The following MRPS9 variants were observed in gnomAD, a reference collection of about 807,000 sequenced individuals.
MRPS9 encodes the protein small ribosomal subunit protein uS9m.
Under a neutral mutation model 59.9 loss-of-function variants are expected in MRPS9, and 45 were observed. The ratio of observed to expected loss-of-function variants is 0.75; its 90% CI spans 0.59 to 0.96. The LOEUF (loss-of-function observed/expected upper bound fraction) is 0.96, where lower values mean the gene tolerates loss of function less well. Ranked by LOEUF, MRPS9 falls within the 40% of genes least tolerant of loss-of-function variation. The probability of loss-of-function intolerance (pLI) is 0.00; values close to 1 mark genes in which losing one functional copy is unlikely to be tolerated. For synonymous variants in MRPS9, 171 were observed against 166.8 expected (o/e 1.03, Z -0.19); for missense variants, 473 against 481.1 (o/e 0.98, Z 0.16).
intron 2 of MRPS9, 128 bp downstream of exon 2, chr2:105,049,478 A>G (rs1679670288): frequency 9.1e-6 from 7 of 769,648 alleles, no homozygotes; most frequent in Admixed American, 3.2e-5. Context: ...ATGCTGCTAT[A>G]CATTGTTTAA....
intron 2 of MRPS9, among the ~76,000 whole-genome samples, chr2:105,051,888 C>G (rs750307615): frequency 9.9e-5 from 15 of 152,072 alleles, no homozygotes; most frequent in Non-Finnish European, 1.8e-4. Context: ...GATTTTGAAT[C>G]TACATCCTTG....
At chr2:105,081,486 AGAG>A (rs1402419004) in intron 5 of MRPS9, among the ~76,000 whole-genome samples, 2 of 152,254 alleles carry the variant, frequency 1.3e-5, no homozygotes, top group East Asian at 3.8e-4. Flanking sequence ...CAGGTCTTGT[AGAG>A]GAGCCTTATC....
At chr2:105,041,537 T>C (rs962292862) in intron 1 of MRPS9, among the ~76,000 whole-genome samples, 1 of 152,134 alleles carries the variant, frequency 6.6e-6, no homozygotes, top group South Asian at 2.1e-4. Context: ...TGTTTTTTTT[T>C]TTTTAATCTC....
At chr2:105,056,554 T>G (rs1348142863) in intron 2 of MRPS9, among the ~76,000 whole-genome samples, 1 of 152,232 alleles carries the variant, frequency 6.6e-6, no homozygotes, top group African/African-American at 2.4e-5. Context: ...AGTGTGTGAA[T>G]TAAAACTAAA....
intron 4 of MRPS9, among the ~76,000 whole-genome samples, chr2:105,075,064 A>G (rs1254600523): frequency 2.0e-5 from 3 of 152,172 alleles, no homozygotes; most frequent in Non-Finnish European, 4.4e-5. Context: ...GGAGACAGTG[A>G]CAGATCGTCA....
chr2:105,057,737 ATACTGTAAAC>A (rs575919831), intron 2 of MRPS9, among the ~76,000 whole-genome samples: 203 of 152,314 alleles, frequency 1.3e-3, no homozygotes, highest in African/African-American at 4.7e-3. Flanking sequence ...ACTCAAAATC[ATACTGTAAAC>A]ACCAAAAAGT....
At chr2:105,066,916 T>A (rs1680011951) in intron 2 of MRPS9, among the ~76,000 whole-genome samples, 1 of 152,216 alleles carries the variant, frequency 6.6e-6, no homozygotes. Context: ...GTCCCACCTT[T>A]TTATTTTGAA....
chr2:105,061,774 T>A (rs1345405959), intron 2 of MRPS9, among the ~76,000 whole-genome samples: 1 of 152,134 alleles, frequency 6.6e-6, no homozygotes, highest in Non-Finnish European at 1.5e-5. Flanking sequence ...ACTGTTCGTA[T>A]GGGTGCTTAG....
intron 9 of MRPS9, among the ~76,000 whole-genome samples, chr2:105,094,328 A>G (rs530395294): frequency 1.0e-3 from 153 of 152,184 alleles, no homozygotes; most frequent in Non-Finnish European, 1.8e-4. Flanking sequence ...CAGCTCTTCT[A>G]ATCTAAATAT....
chr2:105,082,026 G>A (rs367662195), intron 5 of MRPS9, among the ~76,000 whole-genome samples: 115 of 152,248 alleles, frequency 7.6e-4, no homozygotes, highest in African/African-American at 2.7e-3. Flanking sequence ...CAGGCACTGC[G>A]TAGAAAGTCC....
chr2:105,091,746 G>A (rs568127906), intron 7 of MRPS9, among the ~76,000 whole-genome samples: 39 of 152,166 alleles, frequency 2.6e-4, no homozygotes, highest in East Asian at 5.8e-4. Flanking sequence ...CTAATTTTAA[G>A]GGGTTAATTC....
chr2:105,042,675 AC>A (rs2104436899), intron 1 of MRPS9, among the ~76,000 whole-genome samples: 1 of 152,334 alleles, frequency 6.6e-6, no homozygotes, highest in Admixed American at 6.5e-5. Context: ...CTTAAACAAA[AC>A]TGCATCTTTA....
intron 4 of MRPS9, among the ~76,000 whole-genome samples, chr2:105,076,374 T>C (rs2104457547): frequency 6.6e-6 from 1 of 152,340 alleles, no homozygotes; most frequent in Admixed American, 6.5e-5. Context: ...AACATGATGG[T>C]CTTACTGGTA....
intron 1 of MRPS9, among the ~76,000 whole-genome samples, chr2:105,041,649 C>T (rs985572755): frequency 4.0e-5 from 6 of 151,796 alleles, no homozygotes; most frequent in East Asian, 3.9e-4. Flanking sequence ...GGCTAAAAAA[C>T]GCTTTGAAAA....
At chr2:105,086,657 C>T (rs943496714) in intron 5 of MRPS9, among the ~76,000 whole-genome samples, 6 of 152,184 alleles carry the variant, frequency 3.9e-5, no homozygotes, top group African/African-American at 1.4e-4. Flanking sequence ...TTCATATATT[C>T]TTCGCTAGTT....
intron 4 of MRPS9, among the ~76,000 whole-genome samples, chr2:105,078,340 G>GTGTA (rs903146564): frequency 1.3e-5 from 2 of 149,842 alleles, no homozygotes; most frequent in African/African-American, 4.9e-5. Context: ...GTGTGTGTGT[G>GTGTA]TATACATTCA....
At chr2:105,049,427 C>T in intron 2 of MRPS9, 77 bp downstream of exon 2, 2 of 1,235,024 alleles carry the variant, frequency 1.6e-6, no homozygotes, top group South Asian at 1.4e-5. Flanking sequence ...TCATGAGCCC[C>T]TTAGCTCTGT....
rs559822920 is a variant in MRPS9, at chr2:105,084,673, A to G, written c.490-4311A>G. 1.1e-4 allele frequency among the ~76,000 whole-genome samples: 17 copies of G among 152,346 alleles called. No homozygotes were observed. The East Asian group carries it at 1.2e-3, about 10-fold the overall frequency. On this transcript the variant is annotated intron_variant, in intron 5 of 10. Coordinates refer to ENST00000258455, the MANE Select transcript of MRPS9 (RefSeq NM_182640.3). ...GAGGTGTCGTGAAATAACTACAACT[A>G]TGTAAAGTGCTTATTTTAAAAAAGC...
In MRPS9 at chr2:105,067,623, TTGA is replaced by T. The variant is rs547592220; in HGVS notation, c.316-3687_316-3685del. ...ATTTGTTGGTGATCCTTGCCTGAAATTGATGGTTAATTTGGAAGTTGTAAAATG... is the reference window on the plus strand; with the variant it reads ...ATTTGTTGGTGATCCTTGCCTGAAATTGGTTAATTTGGAAGTTGTAAAATG... On this transcript the variant is annotated intron_variant, in intron 2 of 10. Coordinates refer to ENST00000258455, the MANE Select transcript of MRPS9 (RefSeq NM_182640.3). Among the ~76,000 whole-genome samples the T allele has an allele frequency of 6.1e-3, 929 of 152,298 alleles. 5 individuals carry two copies. Among genetic ancestry groups the T allele is most frequent in the Non-Finnish European group, 0.011 (752 of 68,024 alleles).
Sources: allele counts gnomAD v4.1 joint callset (sites outside exome capture counted in the v4.1 genomes callset), GRCh38; gene constraint gnomAD v4.1.1; transcripts MANE v1.5; gene names NCBI Gene and HGNC (gene_info 2026-07-23, HGNC 2026-07-21).